Variants in ENOPH1 observed in about 807,000 individuals in gnomAD.
The protein encoded by ENOPH1 is enolase-phosphatase E1.
In ENOPH1, 14 loss-of-function variants were observed where a neutral mutation model predicts 31.1. The ratio of observed to expected loss-of-function variants is 0.45; its 90% CI spans 0.30 to 0.70. The LOEUF is 0.70. Ranked by LOEUF, ENOPH1 falls within the 30% of genes least tolerant of loss-of-function variation. ENOPH1 has a pLI of 0.09. For missense variants in ENOPH1, 243 were observed against 321.5 expected (o/e 0.76, Z 1.87); for synonymous variants, 127 against 123.2 (o/e 1.03, Z -0.21).
chr4:82,432,591 T>C (rs1435154285), intron 1 of ENOPH1, among the ~76,000 whole-genome samples: 1 of 152,134 alleles, frequency 6.6e-6, no homozygotes, highest in Non-Finnish European at 1.5e-5. Context: ...CACCTCAGCC[T>C]CCCAAAGTGC....
At chr4:82,442,507 G>A (rs906533530) in intron 1 of ENOPH1, among the ~76,000 whole-genome samples, 5 of 151,852 alleles carry the variant, frequency 3.3e-5, no homozygotes, top group African/African-American at 9.7e-5. Context: ...GTGACAGAGC[G>A]AGACTCTGTC....
At chr4:82,454,522 G>A (rs1366923847) in intron 3 of ENOPH1, among the ~76,000 whole-genome samples, 200 bp from the exon 4 acceptor site, 1 of 152,146 alleles carries the variant, frequency 6.6e-6, no homozygotes, top group Non-Finnish European at 1.5e-5. Context: ...TTTCCACATA[G>A]ATTGTTGCTT....
intron 5 of ENOPH1, 122 bp from the exon 6 acceptor site, chr4:82,459,859 G>GTCATCAAATCAGGGCCAAATTCATT (rs1722599296): frequency 9.7e-7 from 1 of 1,028,860 alleles, no homozygotes; most frequent in Admixed American, 2.1e-5. Context: ...AGCTTCAACA[G>GTCATCAAATCAGGGCCAAATTCATT]TCATCAAATC....
In ENOPH1 at chr4:82,448,036, G is replaced by A. The variant is rs770430087; in HGVS notation, c.186+15G>A. Reference sequence around the variant, plus strand: ...TGAGGAAACAGGTTGGGACATTTCTGTCTTAAATTCCCAAGTGTCTTAGAA... The same window carrying A: ...TGAGGAAACAGGTTGGGACATTTCTATCTTAAATTCCCAAGTGTCTTAGAA... On this transcript the variant is annotated intron_variant, in intron 2 of 5. Transcript: ENST00000273920. The A allele has an allele frequency of 3.2e-6, 5 of 1,561,434 alleles. No homozygotes were observed. Among genetic ancestry groups the A allele is most frequent in the Non-Finnish European group, 4.4e-6 (5 of 1,135,656 alleles).
chr4:82,434,893 CGAG>C (rs1176430843), intron 1 of ENOPH1, among the ~76,000 whole-genome samples: 1 of 145,124 alleles, frequency 6.9e-6, no homozygotes, highest in African/African-American at 2.6e-5. Context: ...AGTGACAGAG[CGAG>C]ACTGTCTTTA....
chr4:82,441,789 C>G (rs1722049811), intron 1 of ENOPH1, among the ~76,000 whole-genome samples: 2 of 152,012 alleles, frequency 1.3e-5, no homozygotes, highest in Admixed American at 1.3e-4. Flanking sequence ...ACAACAACAA[C>G]AACAACAAAA....
At chr4:82,440,984 A>C (rs76657779) in intron 1 of ENOPH1, among the ~76,000 whole-genome samples, 3,198 of 152,260 alleles carry the variant, frequency 0.021, 52 homozygotes, top group Middle Eastern at 0.061. Context: ...GAACACAGAA[A>C]CTTCTTGATA....
At chr4:82,444,263 C>T (rs1173865387) in intron 1 of ENOPH1, among the ~76,000 whole-genome samples, 23 of 151,838 alleles carry the variant, frequency 1.5e-4, no homozygotes, top group African/African-American at 5.6e-4. Context: ...ACTCTCTCAC[C>T]TAGGCTGCAG....
Position 82,438,797 on chromosome 4 carries a change from T to A in ENOPH1, c.84+7884T>A, listed in dbSNP as rs1387512508. Among the ~76,000 whole-genome samples, 3 of 152,230 alleles carry A rather than the reference T, an allele frequency of 2.0e-5. No individual in the cohort carries two copies. The East Asian group carries it at 5.8e-4, about 29-fold the overall frequency. ...CCTGTGTTTAGCCCTGAAAAGTGCT[T>A]ACTTCTTCTTTGTCTGATGGGTCTT... is the stretch of plus-strand genomic sequence containing the variant. On this transcript the variant is annotated intron_variant, in intron 1 of 5. Coordinates refer to ENST00000273920, the MANE Select transcript of ENOPH1 (RefSeq NM_021204.5).
chr4:82,434,215 T>C (rs931693377), intron 1 of ENOPH1, among the ~76,000 whole-genome samples: 2 of 152,172 alleles, frequency 1.3e-5, no homozygotes, highest in African/African-American at 4.8e-5. Context: ...CTCCTTTGCT[T>C]GGTGGTTGTG....
intron 1 of ENOPH1, among the ~76,000 whole-genome samples, chr4:82,436,334 G>T (rs1264351499): frequency 6.6e-6 from 1 of 152,142 alleles, no homozygotes; most frequent in Non-Finnish European, 1.5e-5. Flanking sequence ...TGTTGACTCA[G>T]CTTGAAACAA....
chr4:82,455,587 T>C (rs998382454), intron 4 of ENOPH1, among the ~76,000 whole-genome samples: 1 of 151,472 alleles, frequency 6.6e-6, no homozygotes, highest in Admixed American at 6.6e-5. Flanking sequence ...GAGACCATCC[T>C]GGCTAACATG....
chr4:82,458,541 AAAT>A (rs940592742), intron 5 of ENOPH1, among the ~76,000 whole-genome samples: 75 of 152,310 alleles, frequency 4.9e-4, no homozygotes, highest in African/African-American at 1.7e-3. Context: ...ATAAAATCCC[AAAT>A]AATACCCAAG....
At chr4:82,443,891 CAG>C (rs1302863255) in intron 1 of ENOPH1, among the ~76,000 whole-genome samples, 2 of 151,398 alleles carry the variant, frequency 1.3e-5, no homozygotes, top group South Asian at 2.1e-4. Flanking sequence ...TTTTTTGAGA[CAG>C]AGTCTCCCTG....
rs150462683 is a variant in ENOPH1 at position 82,433,513 on chromosome 4, A to G, written c.84+2600A>G. On this transcript the variant is annotated intron_variant, in intron 1 of 5. Transcript: ENST00000273920. ...CTATTGTTATTAATATTGTTAATCT[A>G]TTATAATCTAATCTATTATTATAAT... Among the ~76,000 whole-genome samples the G allele has an allele frequency of 5.9e-5, 9 of 152,314 alleles. No homozygotes were observed. In the East Asian group the frequency reaches 1.5e-3, roughly 26 times the overall value.
chr4:82,430,609 T>C lies in ENOPH1; in HGVS notation c.-221T>C, dbSNP rs997778794. 5 of 553,996 alleles carry C rather than the reference T, an allele frequency of 9.0e-6. No individual in the cohort carries two copies. The highest frequency in any genetic ancestry group is 3.1e-5 in the Admixed American group (1 of 31,982). 34.3% of individuals were successfully genotyped at this position (553,996 alleles called of 1,614,324 possible). ...CACGTGGTCTCGGGCTCCTGCCCCGTCCTGCTCACGAGTTCAGGGCTCCTG... is the reference window on the plus strand; with the variant it reads ...CACGTGGTCTCGGGCTCCTGCCCCGCCCTGCTCACGAGTTCAGGGCTCCTG... On this transcript the variant is annotated 5_prime_UTR_variant, in exon 1 of 6. Coordinates refer to ENST00000273920, the MANE Select transcript of ENOPH1 (RefSeq NM_021204.5).
In ENOPH1 at chr4:82,454,615, G is replaced by C. The variant is rs1423070973; in HGVS notation, c.390-107G>C. ...GTAGTCTCAGGGAGCTGCTTCTCAG[G>C]TTACCATGTGGGCACAAAGAGAGAA... is the stretch of plus-strand genomic sequence containing the variant. On this transcript the variant is annotated intron_variant, in intron 3 of 5. Coordinates refer to ENST00000273920, the MANE Select transcript of ENOPH1 (RefSeq NM_021204.5). 8.6e-6 allele frequency: 11 copies of C among 1,276,460 alleles called. No individual in the cohort carries two copies. The East Asian group carries it at 2.6e-4, about 31-fold the overall frequency. 79.1% of individuals were successfully genotyped at this position (1,276,460 alleles called of 1,614,324 possible). A position where few individuals can be genotyped will look rare whatever the true frequency, so the allele number is the denominator to read the frequency against.
chr4:82,454,860 T>G lies in ENOPH1; in HGVS notation c.522+6T>G. The G allele has an allele frequency of 6.2e-7, 1 of 1,608,366 alleles. No homozygotes were observed. Among genetic ancestry groups the G allele is most frequent in the Middle Eastern group, 1.7e-4 (1 of 6,048 alleles). Reference sequence around the variant, plus strand: ...CGGAGGGAGATATTCTTGAGGTAGGTTACCTAGTTTACTTTGTTGTTTTGA... The same window carrying G: ...CGGAGGGAGATATTCTTGAGGTAGGGTACCTAGTTTACTTTGTTGTTTTGA... On this transcript the variant is annotated splice_donor_region_variant and intron_variant, in intron 4 of 5. Coordinates refer to ENST00000273920, the MANE Select transcript of ENOPH1 (RefSeq NM_021204.5).
At position 82,460,219 on chromosome 4, in the gene ENOPH1, G is replaced by A; in HGVS notation, c.*99G>A. 8.2e-7 allele frequency: 1 copy of A among 1,224,606 alleles called. No homozygotes were observed. 75.9% of individuals were successfully genotyped at this position (1,224,606 alleles called of 1,614,324 possible). A position where few individuals can be genotyped will look rare whatever the true frequency, so the allele number is the denominator to read the frequency against. ...AAAGTAACTTACTTAAAAAACATAT[G>A]TACACATATGTATGCAAGTATGTAT... is the stretch of plus-strand genomic sequence containing the variant. On this transcript the variant is annotated 3_prime_UTR_variant, in exon 6 of 6. Transcript: ENST00000273920.
Sources: allele counts gnomAD v4.1 joint callset (sites outside exome capture counted in the v4.1 genomes callset), GRCh38; gene constraint gnomAD v4.1.1; transcripts MANE v1.5; gene names NCBI Gene and HGNC (gene_info 2026-07-23, HGNC 2026-07-21).